Variants in TRIM16 observed in about 807,000 individuals in gnomAD.
The protein encoded by TRIM16 is tripartite motif-containing protein 16.
A neutral mutation model predicts 50.4 loss-of-function variants in TRIM16; 33 were observed. That is an observed-to-expected ratio of 0.65 (90% CI 0.50 to 0.88). The LOEUF is 0.88. Among genes scored for constraint, TRIM16 ranks in the 40% least tolerant of loss-of-function variants. The pLI, the probability that TRIM16 is intolerant of heterozygous loss-of-function variation, is 0.00. For missense variants in TRIM16, 581 were observed against 686.8 expected (o/e 0.85, Z 1.72); for synonymous variants, 229 against 270.7 (o/e 0.85, Z 1.51).
At chr17:15,643,676 A>G (rs1194989043) in intron 7 of TRIM16, among the ~76,000 whole-genome samples, 1 of 151,730 alleles carries the variant, frequency 6.6e-6, no homozygotes, top group African/African-American at 2.4e-5. Flanking sequence ...ATCTTCAAAT[A>G]TGTTACAGAG....
chr17:15,683,538 T>C lies in TRIM16; in HGVS notation c.-898-381A>G, dbSNP rs140204125. 3.6e-5 allele frequency: 6 copies of C among 168,822 alleles called. No homozygotes were observed. The East Asian group carries it at 8.6e-4, about 24-fold the overall frequency. The allele number at this position is 168,822 out of a possible 1,614,324, so 10.5% of individuals were successfully genotyped here. On this transcript the variant is annotated intron_variant, in intron 1 of 11. Transcript: ENST00000649191. ...AAGCTACTTTTCATTCTTGGGTGTT[T>C]CCTTCTTACGTGCAAATGGGCAGAT...
Position 15,636,081 on chromosome 17 carries a change from C to G in TRIM16, c.804G>C (p.Glu268Asp). 4 of 1,609,600 alleles carry G rather than the reference C, an allele frequency of 2.5e-6. 1 individual carries two copies. Among genetic ancestry groups the G allele is most frequent in the Non-Finnish European group, 1.7e-6 (2 of 1,178,784 alleles). Residue 268 changes from glutamate to aspartate, a missense_variant, in exon 9 of 12, where the codon GAG becomes GAC. By Grantham distance (45) the Glu-to-Asp change is conservative. Around this residue, in one of 3 missense-constraint regions of TRIM16, gnomAD observed 450 missense variants for 544.3 expected, o/e 0.83. Transcript: ENST00000649191. ...TGCTGATGGCCGCCATCCTCTCCAG[C>G]TCCTGCTTGCTCTTCTCCATCTCGG... ...RSAEMEKSKQ[E>D]LERMAAISNT... is the part of the protein sequence containing the mutation.
intron 6 of TRIM16, among the ~76,000 whole-genome samples, chr17:15,660,714 C>T (rs532082632): frequency 1.1e-4 from 16 of 151,882 alleles, no homozygotes; most frequent in African/African-American, 2.4e-4. Flanking sequence ...CTGGCTAACA[C>T]GGTGAAACCC....
At chr17:15,673,577 C>T (rs1414696279) in intron 6 of TRIM16, among the ~76,000 whole-genome samples, 1 of 151,578 alleles carries the variant, frequency 6.6e-6, no homozygotes, top group Non-Finnish European at 1.5e-5. Context: ...AATTGGATTA[C>T]TCTCAGGTAA....
intron 6 of TRIM16, among the ~76,000 whole-genome samples, chr17:15,659,110 G>A (rs186131313): frequency 5.9e-5 from 9 of 152,268 alleles, no homozygotes; most frequent in East Asian, 5.8e-4. Context: ...GTACAGAGAC[G>A]AGATTGCCAG....
intron 6 of TRIM16, chr17:15,654,429 G>C (rs1987875283): frequency 6.6e-6 from 1 of 152,116 alleles, no homozygotes. Context: ...CTCAGGTCCA[G>C]TTCTACTGGA....
intron 7 of TRIM16, among the ~76,000 whole-genome samples, chr17:15,646,750 C>G (rs528592313): frequency 6.6e-6 from 1 of 151,782 alleles, no homozygotes; most frequent in Non-Finnish European, 1.5e-5. Context: ...TCCAAGCACA[C>G]AGGGTTAGCC....
At chr17:15,654,525 G>T (rs1987880979) in intron 6 of TRIM16, 1 of 152,210 alleles carries the variant, frequency 6.6e-6, no homozygotes, top group African/African-American at 2.4e-5. Context: ...AAGAGAAAGA[G>T]CTGAAGTCCT....
intron 6 of TRIM16, among the ~76,000 whole-genome samples, chr17:15,653,787 C>G (rs1987840994): frequency 6.6e-6 from 1 of 152,194 alleles, no homozygotes; most frequent in Non-Finnish European, 1.5e-5. Flanking sequence ...TTGGAAGCCT[C>G]TAGCTCCTTA....
At chr17:15,656,606 T>C (rs1489004661) in intron 6 of TRIM16, among the ~76,000 whole-genome samples, 2 of 151,942 alleles carry the variant, frequency 1.3e-5, no homozygotes, top group African/African-American at 4.8e-5. Flanking sequence ...CCTCTCCTCC[T>C]GGCTGTCTTC....
In TRIM16 at chr17:15,637,120, G is replaced by GC. The variant is rs1238896650; in HGVS notation, c.616-852_616-851insG. ...CACCCCGTCCGGGAGGGAGGTGGGG[G>GC]GGGGGGGTCAGCCCCCCGCCCGGCC... is the stretch of plus-strand genomic sequence containing the variant. On this transcript the variant is annotated intron_variant, in intron 8 of 11. Coordinates refer to ENST00000649191, the MANE Select transcript of TRIM16 (RefSeq NM_001348119.1). 8.2e-4 allele frequency among the ~76,000 whole-genome samples: 114 copies of GC among 138,942 alleles called. 5 individuals are homozygous for GC. Among genetic ancestry groups the GC allele is most frequent in the Non-Finnish European group, 1.2e-3 (79 of 63,446 alleles). 91.2% of individuals were successfully genotyped at this position (138,942 alleles called of 152,430 possible). A position where few individuals can be genotyped will look rare whatever the true frequency, so the allele number is the denominator to read the frequency against.
Position 15,646,526 on chromosome 17 carries a change from C to T in TRIM16, c.520-3710G>A, listed in dbSNP as rs561509037. Among the ~76,000 whole-genome samples the T allele has an allele frequency of 2.7e-3, 381 of 138,660 alleles. 2 individuals carry two copies. The highest frequency in any genetic ancestry group is 9.9e-3 in the African/African-American group (332 of 33,640). 91.0% of individuals were successfully genotyped at this position (138,660 alleles called of 152,430 possible). On this transcript the variant is annotated intron_variant, in intron 7 of 11. Transcript: ENST00000649191. ...GAAATATTTTGGGACCTGCCACTTGCTGGCCATATAGGCTTTGTCAAGTCA... is the reference window on the plus strand; with the variant it reads ...GAAATATTTTGGGACCTGCCACTTGTTGGCCATATAGGCTTTGTCAAGTCA...
chr17:15,660,494 G>A (rs1988176717), intron 6 of TRIM16, among the ~76,000 whole-genome samples: 1 of 152,160 alleles, frequency 6.6e-6, no homozygotes. Flanking sequence ...CTGATTGTCT[G>A]CATGGAGGAA....
chr17:15,653,533 G>A (rs1033261857), intron 6 of TRIM16, among the ~76,000 whole-genome samples: 1 of 152,126 alleles, frequency 6.6e-6, no homozygotes, highest in East Asian at 1.9e-4. Context: ...CTCTCTCCTT[G>A]GCTTGCAGAT....
At chr17:15,676,868 G>A (rs1023251715) in intron 6 of TRIM16, among the ~76,000 whole-genome samples, 19 of 152,070 alleles carry the variant, frequency 1.2e-4, no homozygotes, top group African/African-American at 4.6e-4. Context: ...AAACTAGGTA[G>A]GATAAGGACA....
chr17:15,646,064 T>G (rs1238301333), intron 7 of TRIM16, among the ~76,000 whole-genome samples: 2 of 152,154 alleles, frequency 1.3e-5, no homozygotes, highest in Admixed American at 6.5e-5. Context: ...GACAGAAGAA[T>G]GTGTTGAAGC....
chr17:15,665,723 C>T (rs1255026668), intron 6 of TRIM16, among the ~76,000 whole-genome samples: 1 of 151,580 alleles, frequency 6.6e-6, no homozygotes, highest in Non-Finnish European at 1.5e-5. Context: ...TTCTTCCCAA[C>T]TTAGTCTCTC....
At chr17:15,673,729 G>A (rs138664905) in intron 6 of TRIM16, among the ~76,000 whole-genome samples, 31 of 152,320 alleles carry the variant, frequency 2.0e-4, no homozygotes, top group Non-Finnish European at 4.3e-4. Flanking sequence ...TTGAGTCACA[G>A]CATAACCAAA....
chr17:15,656,945 T>C (rs1988010592), intron 6 of TRIM16, among the ~76,000 whole-genome samples: 1 of 151,936 alleles, frequency 6.6e-6, no homozygotes, highest in Non-Finnish European at 1.5e-5. Flanking sequence ...TTTAAATTTT[T>C]TGTAGAGATG....
Sources: gnomAD v4.1 joint callset for allele counts (sites outside exome capture counted in the v4.1 genomes callset) on GRCh38, gnomAD v4.1.1 for gene constraint, gnomAD v4.1.1 regional missense constraint, MANE v1.5 for transcripts, NCBI Gene and HGNC (gene_info 2026-07-23, HGNC 2026-07-21) for gene names.